The following ADAMTS17 variants were observed in gnomAD, a reference collection of about 807,000 sequenced individuals.
ADAMTS17 encodes the protein ADAM metallopeptidase with thrombospondin type 1 motif 17, also known as A disintegrin and metalloproteinase with thrombospondin motifs 17.
Under a neutral mutation model 141.5 loss-of-function variants are expected in ADAMTS17, and 113 were observed. The observed-to-expected ratio is 0.80, with a 90% CI of 0.69 to 0.93. The LOEUF (loss-of-function observed/expected upper bound fraction) is 0.93, where lower values mean the gene tolerates loss of function less well. ADAMTS17 is among the 40% of genes least tolerant of loss of function. The pLI is 0.00. For missense variants in ADAMTS17, 1,659 were observed against 1,517.9 expected (o/e 1.09, Z -1.54); for synonymous variants, 768 against 630.6 (o/e 1.22, Z -3.27).
chr15:100,043,245 T>G (rs1425913911), intron 18 of ADAMTS17, among the ~76,000 whole-genome samples: 2 of 152,158 alleles, frequency 1.3e-5, no homozygotes, highest in Non-Finnish European at 1.5e-5. Context: ...AGATCTTAGG[T>G]GCTATTTTCT....
Position 99,993,166 on chromosome 15 carries a change from C to G in ADAMTS17, c.2831G>C (p.Arg944Pro). ...SASCGKGVWK[R>P]TVACTNSQGK... ...TTGTGAGTTGGTGCACGCCACGGTC[C>G]GTTTCCACACCCCTTTACCACAGCT... The change falls in exon 20 of 22, where the codon CGG (arginine) becomes CCG (proline). Residue 944 changes from arginine (R) to proline (P), a missense_variant. Coordinates refer to ENST00000268070, the MANE Select transcript of ADAMTS17 (RefSeq NM_139057.4). The surrounding 1 kb of genome is among the most constrained non-coding windows in gnomAD (Gnocchi z 4.3). 6.2e-7 allele frequency: 1 copy of G among 1,614,212 alleles called. No individual in the cohort carries two copies. Among genetic ancestry groups the G allele is most frequent in the Non-Finnish European group, 8.5e-7 (1 of 1,180,038 alleles).
At chr15:100,172,744 A>C (rs2040206228) in intron 8 of ADAMTS17, among the ~76,000 whole-genome samples, 1 of 152,238 alleles carries the variant, frequency 6.6e-6, no homozygotes, top group South Asian at 2.1e-4. Context: ...GGCTACCTGC[A>C]TTAGGAATAA....
chr15:100,152,799 A>C (rs369924487), intron 9 of ADAMTS17, 37 bp from the exon 10 acceptor site: 62 of 1,611,836 alleles, frequency 3.8e-5, no homozygotes, highest in Non-Finnish European at 4.9e-5. Context: ...TTGCAAATGT[A>C]CTGCCTAGGT....
intron 12 of ADAMTS17, among the ~76,000 whole-genome samples, chr15:100,127,985 C>T (rs2037831150): frequency 6.6e-6 from 1 of 152,036 alleles, no homozygotes; most frequent in Non-Finnish European, 1.5e-5. Flanking sequence ...TAAGGGAACC[C>T]AGTGCGTGGT....
intron 18 of ADAMTS17, among the ~76,000 whole-genome samples, chr15:100,008,598 G>A (rs962155497): frequency 6.6e-6 from 1 of 152,224 alleles, no homozygotes; most frequent in African/African-American, 2.4e-5. Flanking sequence ...CTGGTGACGA[G>A]CCTGGGCTGG....
chr15:100,008,780 T>A (rs1389665704), intron 18 of ADAMTS17, among the ~76,000 whole-genome samples: 1 of 152,212 alleles, frequency 6.6e-6, no homozygotes, highest in Non-Finnish European at 1.5e-5. Context: ...CTACCCCTGG[T>A]GGGTCAGCCC....
chr15:99,978,179 G>C (rs1472268769), intron 20 of ADAMTS17, among the ~76,000 whole-genome samples: 1 of 152,172 alleles, frequency 6.6e-6, no homozygotes, highest in African/African-American at 2.4e-5. Context: ...TCCAGACACA[G>C]GCTGCGTGGG....
intron 10 of ADAMTS17, among the ~76,000 whole-genome samples, chr15:100,141,370 G>A (rs2038641987): frequency 2.0e-5 from 3 of 152,138 alleles, no homozygotes; most frequent in Non-Finnish European, 4.4e-5. Context: ...CATCCTCTCT[G>A]GGCATCTGCT....
chr15:100,338,066 A>G (rs1017833348), intron 2 of ADAMTS17, among the ~76,000 whole-genome samples: 2 of 152,238 alleles, frequency 1.3e-5, no homozygotes, highest in African/African-American at 4.8e-5. Flanking sequence ...GGAAATGTAA[A>G]TACAATGAAG....
chr15:100,080,577 C>G (rs528902628), intron 15 of ADAMTS17, among the ~76,000 whole-genome samples: 1 of 152,140 alleles, frequency 6.6e-6, no homozygotes, highest in South Asian at 2.1e-4. Context: ...TGCTGAGGTG[C>G]TTGCTGAAGG....
chr15:100,279,733 C>CA (rs2044221240), intron 4 of ADAMTS17, among the ~76,000 whole-genome samples: 1 of 152,190 alleles, frequency 6.6e-6, no homozygotes, highest in Non-Finnish European at 1.5e-5. Flanking sequence ...TTTCCCTCTA[C>CA]AAAGTTCCCC....
At chr15:100,219,220 AC>A (rs2042059363) in intron 7 of ADAMTS17, among the ~76,000 whole-genome samples, 1 of 152,304 alleles carries the variant, frequency 6.6e-6, no homozygotes, top group Non-Finnish European at 1.5e-5. Flanking sequence ...ATGACTTCTA[AC>A]GAGTACAGGG....
chr15:100,271,923 C>A (rs1273292026), intron 4 of ADAMTS17, among the ~76,000 whole-genome samples: 1 of 152,078 alleles, frequency 6.6e-6, no homozygotes, highest in Admixed American at 6.5e-5. Flanking sequence ...CAACTTTGTT[C>A]TTTTGCATAC....
chr15:99,999,988 A>G (rs2141356730), intron 18 of ADAMTS17, among the ~76,000 whole-genome samples: 1 of 152,242 alleles, frequency 6.6e-6, no homozygotes, highest in African/African-American at 2.4e-5. Flanking sequence ...TCTTGGATCC[A>G]TGGCTCGCAT....
chr15:100,163,786 G>C (rs966135201), intron 8 of ADAMTS17, among the ~76,000 whole-genome samples: 1 of 152,174 alleles, frequency 6.6e-6, no homozygotes, highest in East Asian at 1.9e-4. Flanking sequence ...AGATCATTTG[G>C]ACCATTCTAT....
Position 100,339,299 on chromosome 15 carries a change from G to A in ADAMTS17, c.450+1740C>T, listed in dbSNP as rs1310368068. On this transcript the variant is annotated intron_variant, in intron 2 of 21. Transcript: ENST00000268070. The stretch of plus-strand genomic sequence containing the variant: ...ATGTTATCCAGCTTTCCACCTCGGC[G>A]CCTTCACAGATAGCTCCTTGCTGGA... 3.3e-5 allele frequency among the ~76,000 whole-genome samples: 5 copies of A among 152,176 alleles called. No individual in the cohort carries two copies. The East Asian group carries it at 5.8e-4, about 18-fold the overall frequency.
intron 18 of ADAMTS17, among the ~76,000 whole-genome samples, chr15:100,001,452 C>T (rs1005595273): frequency 6.6e-6 from 1 of 150,914 alleles, no homozygotes; most frequent in African/African-American, 2.4e-5. Context: ...GGAAACATGT[C>T]ATAAATCTGT....
At position 99,973,203 on chromosome 15, in the gene ADAMTS17, G is replaced by A. The variant is rs1321960284; in HGVS notation, c.*1199C>T. The A allele has an allele frequency of 6.6e-6, 1 of 152,116 alleles. No homozygotes were observed. Among genetic ancestry groups the A allele is most frequent in the Non-Finnish European group, 1.5e-5 (1 of 68,048 alleles). The allele number at this position is 152,116 out of a possible 1,614,324, so 9.4% of individuals were successfully genotyped here. A position where few individuals can be genotyped will look rare whatever the true frequency, so the allele number is the denominator to read the frequency against. The stretch of plus-strand genomic sequence containing the variant: ...TCATGCATCATCCTTGCCCCACCAA[G>A]AAGATGGGTCAATGATGACAGGCGT... On this transcript the variant is annotated 3_prime_UTR_variant, in exon 22 of 22. Transcript: ENST00000268070.
At chr15:100,102,179 G>A (rs551155262) in intron 14 of ADAMTS17, among the ~76,000 whole-genome samples, 65 of 152,306 alleles carry the variant, frequency 4.3e-4, no homozygotes, top group African/African-American at 1.5e-3. Context: ...TTTTCTGTTT[G>A]TTTTTCTTGG....
Sources: gnomAD v4.1 joint callset for allele counts (sites outside exome capture counted in the v4.1 genomes callset) on GRCh38, gnomAD v4.1.1 for gene constraint, Gnocchi (gnomAD v3.1) non-coding constraint, MANE v1.5 for transcripts, NCBI Gene and HGNC (gene_info 2026-07-23, HGNC 2026-07-21) for gene names.